Variants in TNRC18 observed in about 807,000 individuals in gnomAD.
TNRC18 encodes trinucleotide repeat containing 18, also known as trinucleotide repeat-containing gene 18 protein.
In TNRC18, 69 loss-of-function variants were observed where a neutral mutation model predicts 226.7. The ratio of observed to expected loss-of-function variants is 0.30; its 90% CI spans 0.25 to 0.37. The LOEUF is 0.37. TNRC18 is among the 10% of genes least tolerant of loss of function. The probability of loss-of-function intolerance (pLI) is 1.00; values close to 1 mark genes in which losing one functional copy is unlikely to be tolerated. For synonymous variants in TNRC18, 2,449 were observed against 1,927.6 expected, an observed-to-expected ratio of 1.27 and a Z score of -7.09; for missense variants, 4,754 against 4,256.6, an observed-to-expected ratio of 1.12 and a Z score of -3.25.
At chr7:5,347,986 A>T (rs1015664927) in intron 17 of TNRC18, among the ~76,000 whole-genome samples, 1 of 152,134 alleles carries the variant, frequency 6.6e-6, no homozygotes, top group African/African-American at 2.4e-5. Context: ...AACTTTAAAA[A>T]CATAAAGAAG....
chr7:5,388,979 G>C lies in TNRC18; in HGVS notation c.845C>G (p.Thr282Ser), dbSNP rs1486545816. The change falls in exon 5 of 30, where the codon ACC (threonine) becomes AGC (serine). Residue 282 changes from threonine to serine, a missense_variant. Thr to Ser is a moderately conservative substitution (Grantham distance 58). Coordinates refer to ENST00000430969, the MANE Select transcript of TNRC18 (RefSeq NM_001080495.3). ...GTCCCCGGCGCCGCCGTTGCACATG[G>C]TCAGTACCGACGGCTGCAGCGCCGC... Reference protein sequence around the residue: ...KNAALQPSVLTMCNGGAGDVG... With the variant: ...KNAALQPSVLSMCNGGAGDVG... 46 of 1,389,768 alleles carry C rather than the reference G, an allele frequency of 3.3e-5. No homozygotes were observed. Among genetic ancestry groups the C allele is most frequent in the Non-Finnish European group, 4.0e-5 (43 of 1,066,388 alleles). The allele number at this position is 1,389,768 out of a possible 1,614,324, so 86.1% of individuals were successfully genotyped here. A position where few individuals can be genotyped will look rare whatever the true frequency, so the allele number is the denominator to read the frequency against.
chr7:5,339,579 T>TGTG lies in TNRC18; in HGVS notation c.5719+5982_5719+5983insCAC, dbSNP rs1562514263. Among the ~76,000 whole-genome samples, 482 of 122,634 alleles carry TGTG rather than the reference T, an allele frequency of 3.9e-3. 3 individuals are homozygous for TGTG. Among genetic ancestry groups the TGTG allele is most frequent in the Admixed American group, 0.012 (141 of 11,990 alleles). The allele number at this position is 122,634 out of a possible 152,430, so 80.5% of individuals were successfully genotyped here. Reference sequence around the variant, plus strand: ...TGTGTGTGTGTGTGTGTGTGTGTGTTTTTCGACAGAGTGTCGCTCTTGTCA... The same window carrying TGTG: ...TGTGTGTGTGTGTGTGTGTGTGTGTTGTGTTTCGACAGAGTGTCGCTCTTGTCA... On this transcript the variant is annotated intron_variant, in intron 18 of 29. Transcript: ENST00000430969.
intron 16 of TNRC18, among the ~76,000 whole-genome samples, chr7:5,356,522 G>A (rs1792403779): frequency 6.6e-6 from 1 of 152,266 alleles, no homozygotes; most frequent in East Asian, 1.9e-4. Context: ...GGACCCTCAA[G>A]AGCAGTCGCG....
chr7:5,369,288 G>A (rs1370607633), intron 11 of TNRC18, among the ~76,000 whole-genome samples: 2 of 152,204 alleles, frequency 1.3e-5, no homozygotes, highest in African/African-American at 4.8e-5. Flanking sequence ...GGCGGAGGCT[G>A]CAGTGAGCCG....
In TNRC18 at chr7:5,346,800, G is replaced by A. The variant is rs117973708; in HGVS notation, c.5471-990C>T. On this transcript the variant is annotated intron_variant, in intron 17 of 29. Coordinates refer to ENST00000430969, the MANE Select transcript of TNRC18 (RefSeq NM_001080495.3). ...GCCCACTGGCTCAGCCAAGGCCGGG[G>A]TCCAGAGAGAATCATTTGCATGGAG... Among the ~76,000 whole-genome samples, 63 of 152,350 alleles carry A rather than the reference G, an allele frequency of 4.1e-4. 2 individuals carry two copies. In the East Asian group the frequency reaches 0.012, roughly 28 times the overall value.
At chr7:5,399,628 C>T (rs930045922) in intron 2 of TNRC18, among the ~76,000 whole-genome samples, 1 of 151,830 alleles carries the variant, frequency 6.6e-6, no homozygotes, top group Non-Finnish European at 1.5e-5. Flanking sequence ...ATTGCTTGAA[C>T]CCAGGAGGCA....
chr7:5,374,770 C>T (rs142467823), intron 9 of TNRC18, among the ~76,000 whole-genome samples: 1,560 of 152,314 alleles, frequency 0.01, 28 homozygotes, highest in African/African-American at 0.035. Context: ...ACCAGGACCC[C>T]GGCCCTGCAC....
chr7:5,362,805 C>A lies in TNRC18; in HGVS notation c.4240G>T (p.Ala1414Ser). Residue 1414 changes from alanine to serine, a missense_variant, in exon 12 of 30, where the codon GCG becomes TCG. By Grantham distance (99) the Ala-to-Ser change is moderately conservative. Transcript: ENST00000430969. ...EMGGAERALVARPSLESLLAA... is the reference protein window; with the variant it reads ...EMGGAERALVSRPSLESLLAA... ...AGCAGACTCTCCAGGGAGGGCCGCG[C>A]CACCAGGGCCCGCTCCGCACCTGTG... 4 of 1,560,144 alleles carry A rather than the reference C, an allele frequency of 2.6e-6. No individual in the cohort carries two copies. The highest frequency in any genetic ancestry group is 3.5e-6 in the Non-Finnish European group (4 of 1,153,322).
intron 5 of TNRC18, among the ~76,000 whole-genome samples, chr7:5,383,717 A>T (rs1314868142): frequency 6.6e-6 from 1 of 151,752 alleles, no homozygotes; most frequent in African/African-American, 2.4e-5. Flanking sequence ...CTCAGCACTC[A>T]GGCTGGACTG....
chr7:5,389,409 C>T (rs557924732), intron 4 of TNRC18, 73 bp from the exon 5 acceptor site: 49 of 1,214,228 alleles, frequency 4.0e-5, no homozygotes, highest in East Asian at 1.4e-4. Flanking sequence ...CGGAGGCGGA[C>T]CCCTGAGAGG....
At chr7:5,417,149 T>C (rs1457851522) in intron 2 of TNRC18, among the ~76,000 whole-genome samples, 1 of 145,358 alleles carries the variant, frequency 6.9e-6, no homozygotes, top group African/African-American at 2.6e-5. Flanking sequence ...AGTAAAACCC[T>C]GTCTCTAAAA....
rs1204645311 is a variant in TNRC18, at chr7:5,376,014, C to T, written c.2799+20G>A. ...ATGGGGGCCCCCAGAGGGAGCTGCG[C>T]CTCATCCTCCCCGACTTACCACGAG... On this transcript the variant is annotated intron_variant, in intron 9 of 29. Transcript: ENST00000430969. 3.2e-6 allele frequency: 5 copies of T among 1,575,406 alleles called. No homozygotes were observed. The highest frequency in any genetic ancestry group is 1.2e-5 in the South Asian group (1 of 85,892).
At chr7:5,373,968 G>T in intron 10 of TNRC18, 87 bp downstream of exon 10, 3 of 1,114,364 alleles carry the variant, frequency 2.7e-6, no homozygotes, top group South Asian at 1.9e-5. Context: ...ATGAACGAAC[G>T]ATCGAACGGG....
chr7:5,333,123 C>A, intron 18 of TNRC18, 74 bp from the exon 19 acceptor site: 3 of 1,492,190 alleles, frequency 2.0e-6, no homozygotes, highest in Non-Finnish European at 1.8e-6. Flanking sequence ...CACATGGACA[C>A]CATTCCTCCC....
In TNRC18 at chr7:5,394,544, G is replaced by C; in HGVS notation, c.239C>G (p.Ser80Trp). ...FVASGMGPSA[S>W]SHGSPVPLPS... ...CAGTGGCACTGGGCTCCCATGGGAC[G>C]AGGCCGAGGGCCCCATCCCGCTGGC... is the stretch of plus-strand genomic sequence containing the variant. The change falls in exon 3 of 30, where the codon TCG becomes TGG. Residue 80 changes from serine (S) to tryptophan (W), a missense_variant. Ser to Trp is a radical substitution (Grantham distance 177, BLOSUM62 -3). Coordinates refer to ENST00000430969, the MANE Select transcript of TNRC18 (RefSeq NM_001080495.3). The surrounding 1 kb of genome is among the most constrained non-coding windows in gnomAD (Gnocchi z 4.5). 1 of 1,550,946 alleles carries C rather than the reference G, an allele frequency of 6.4e-7. No homozygotes were observed. The highest frequency in any genetic ancestry group is 1.2e-5 in the South Asian group (1 of 83,728).
chr7:5,315,214 T>C (rs1787731140), intron 25 of TNRC18, 66 bp from the exon 26 acceptor site: 2 of 1,523,968 alleles, frequency 1.3e-6, no homozygotes, highest in South Asian at 1.3e-5. Flanking sequence ...TCCAAGACCC[T>C]GGTCTGTCCC....
chr7:5,420,293 G>A (rs769334578), intron 2 of TNRC18: 1 of 431,294 alleles, frequency 2.3e-6, no homozygotes. Context: ...TTTCCCCTCC[G>A]CCGCCTGGGC....
At chr7:5,375,916 G>A in intron 9 of TNRC18, 118 bp downstream of exon 9, 6 of 1,026,286 alleles carry the variant, frequency 5.8e-6, no homozygotes, top group South Asian at 1.6e-5. Flanking sequence ...CTGACCACCT[G>A]CCCCTCTGCT....
intron 11 of TNRC18, among the ~76,000 whole-genome samples, chr7:5,364,811 A>G (rs1265845181): frequency 6.6e-6 from 1 of 151,712 alleles, no homozygotes; most frequent in African/African-American, 2.4e-5. Flanking sequence ...CAGGAAAAAA[A>G]AAAAAAAAAA....
Sources: gnomAD v4.1 joint callset for allele counts (sites outside exome capture counted in the v4.1 genomes callset) on GRCh38, gnomAD v4.1.1 for gene constraint, Gnocchi (gnomAD v3.1) non-coding constraint, MANE v1.5 for transcripts, NCBI Gene and HGNC (gene_info 2026-07-23, HGNC 2026-07-21) for gene names.